EYS: variants seen among roughly 807,000 people sequenced by gnomAD.
EYS encodes EGF-like photoreceptor maintenance factor.
EYS carries 250 observed loss-of-function variants against 282.1 expected under a neutral mutation model. The observed-to-expected ratio is 0.89, with a 90% CI of 0.80 to 0.98. EYS has a LOEUF of 0.98. Among genes scored for constraint, EYS ranks in the 50% least tolerant of loss-of-function variants. The probability of loss-of-function intolerance (pLI) is 0.00; values close to 1 mark genes in which losing one functional copy is unlikely to be tolerated. For synonymous variants in EYS, 1,355 were observed against 1,282.9 expected, an observed-to-expected ratio of 1.06 and a Z score of -1.20; for missense variants, 4,016 against 3,709.0, an observed-to-expected ratio of 1.08 and a Z score of -2.15.
intron 26 of EYS, among the ~76,000 whole-genome samples, chr6:64,505,886 T>C (rs1254423440): frequency 6.6e-6 from 1 of 152,202 alleles, no homozygotes; most frequent in Non-Finnish European, 1.5e-5. Context: ...AAGTGTTATT[T>C]GGCATTGTTG....
intron 24 of EYS, among the ~76,000 whole-genome samples, chr6:64,605,621 G>T (rs934403218): frequency 2.6e-5 from 4 of 151,408 alleles, no homozygotes; most frequent in African/African-American, 9.7e-5. Flanking sequence ...ATACCTTAAA[G>T]ATTTCCCTGA....
chr6:64,274,265 T>A (rs1768033755), intron 30 of EYS, among the ~76,000 whole-genome samples: 1 of 152,114 alleles, frequency 6.6e-6, no homozygotes, highest in Non-Finnish European at 1.5e-5. Flanking sequence ...AACCTGTGTC[T>A]CCTGGGTCAA....
At chr6:65,497,014 A>G (rs562904997) in intron 2 of EYS, among the ~76,000 whole-genome samples, 354 of 152,176 alleles carry the variant, frequency 2.3e-3, no homozygotes, top group African/African-American at 8.3e-3. Flanking sequence ...AAATAACACA[A>G]ATATGCATAT....
intron 29 of EYS, chr6:64,379,740 C>T (rs996782257): frequency 1.3e-5 from 2 of 152,012 alleles, no homozygotes; most frequent in African/African-American, 4.8e-5. Context: ...GAATTTGTGA[C>T]TGAGATAATA....
At chr6:63,768,180 C>T (rs1490597318) in intron 40 of EYS, among the ~76,000 whole-genome samples, 1 of 151,986 alleles carries the variant, frequency 6.6e-6, no homozygotes, top group African/African-American at 2.4e-5. Context: ...GAATTTACGA[C>T]TAAGTCCCCA....
chr6:65,018,944 T>A (rs1402527340), intron 13 of EYS, among the ~76,000 whole-genome samples: 1 of 152,140 alleles, frequency 6.6e-6, no homozygotes, highest in African/African-American at 2.4e-5. Context: ...AAAATTGACC[T>A]TACTGTATGA....
At chr6:64,753,481 T>A (rs1772831572) in intron 22 of EYS, among the ~76,000 whole-genome samples, 1 of 147,534 alleles carries the variant, frequency 6.8e-6, no homozygotes. Context: ...TCAGATAGAA[T>A]AGGCTTTATA....
At chr6:64,888,413 T>C (rs1767167270) in intron 18 of EYS, among the ~76,000 whole-genome samples, 1 of 152,030 alleles carries the variant, frequency 6.6e-6, no homozygotes, top group South Asian at 2.1e-4. Context: ...ATACAATGTA[T>C]TCATGTATCA....
intron 36 of EYS, among the ~76,000 whole-genome samples, chr6:63,824,952 G>T (rs1437974124): frequency 1.3e-5 from 2 of 152,228 alleles, no homozygotes; most frequent in Non-Finnish European, 2.9e-5. Context: ...GAGTTCACAA[G>T]CAGGGGAAGA....
chr6:64,564,268 C>CTTT (rs4034161), intron 26 of EYS, among the ~76,000 whole-genome samples: 26,975 of 59,238 alleles, frequency 0.46, 11,412 homozygotes, highest in South Asian at 0.56. Flanking sequence ...ATCTTTTGTC[C>CTTT]TTTTTTTTTT....
chr6:64,293,677 G>T (rs1030728463), intron 30 of EYS, among the ~76,000 whole-genome samples: 1 of 151,972 alleles, frequency 6.6e-6, no homozygotes, highest in Non-Finnish European at 1.5e-5. Context: ...TTTTAACAAA[G>T]TATTTTTTAA....
intron 14 of EYS, among the ~76,000 whole-genome samples, chr6:64,974,604 A>AT (rs1770412985): frequency 1.3e-5 from 2 of 151,788 alleles, no homozygotes; most frequent in African/African-American, 4.8e-5. Flanking sequence ...ATTAAACTAC[A>AT]TTTTCCACTC....
intron 26 of EYS, among the ~76,000 whole-genome samples, chr6:64,551,309 A>G (rs965525190): frequency 1.3e-5 from 2 of 151,534 alleles, no homozygotes; most frequent in African/African-American, 2.4e-5. Flanking sequence ...TACCTTTTTA[A>G]ATGTCAGAGG....
intron 2 of EYS, among the ~76,000 whole-genome samples, chr6:65,517,312 T>G (rs1364220190): frequency 3.4e-5 from 5 of 149,158 alleles, no homozygotes; most frequent in African/African-American, 1.2e-4. Flanking sequence ...ACAAAAGTAT[T>G]TTGGAATCTG....
intron 5 of EYS, among the ~76,000 whole-genome samples, chr6:65,487,047 T>C (rs1443615310): frequency 6.6e-6 from 1 of 152,200 alleles, no homozygotes. Context: ...TTTGCTGAAG[T>C]TCCTTATCAG....
Position 65,495,676 on chromosome 6 carries a change from C to A in EYS, c.-197-69G>T, listed in dbSNP as rs922945613. 1.4e-4 allele frequency: 74 copies of A among 519,716 alleles called. 2 individuals carry two copies. The South Asian group carries it at 1.6e-3, about 11-fold the overall frequency. 32.2% of individuals were successfully genotyped at this position (519,716 alleles called of 1,614,324 possible). On this transcript the variant is annotated intron_variant, in intron 3 of 42. Coordinates refer to ENST00000503581, the MANE Select transcript of EYS (RefSeq NM_001142800.2). ...AAATTAATAATATAGAAAATGCTAG[C>A]TCTTTTTGTGGATTTCATAAGAGCC...
intron 33 of EYS, among the ~76,000 whole-genome samples, chr6:64,033,745 C>A (rs1162544995): frequency 6.6e-6 from 1 of 151,192 alleles, no homozygotes; most frequent in Non-Finnish European, 1.5e-5. Flanking sequence ...TCTAGAACTT[C>A]CCCATTCAAA....
intron 31 of EYS, among the ~76,000 whole-genome samples, chr6:64,220,526 C>G (rs564895687): frequency 1.3e-5 from 2 of 152,226 alleles, no homozygotes; most frequent in Non-Finnish European, 2.9e-5. Context: ...CTAAACTGGA[C>G]AGCCAGTATC....
Position 65,272,673 on chromosome 6 carries a change from T to A in EYS, c.2023+23190A>T, listed in dbSNP as rs184695581. ...GGATATACATTAATCCATTCATGTA[T>A]TATAATTATTACATATATATAAATG... is the stretch of plus-strand genomic sequence containing the variant. On this transcript the variant is annotated intron_variant, in intron 12 of 42. Transcript: ENST00000503581. 3.9e-3 allele frequency among the ~76,000 whole-genome samples: 594 copies of A among 152,284 alleles called. 3 individuals carry two copies. The highest frequency in any genetic ancestry group is 0.014 in the African/African-American group (570 of 41,556).
Sources: allele counts gnomAD v4.1 joint callset (sites outside exome capture counted in the v4.1 genomes callset), GRCh38; gene constraint gnomAD v4.1.1; transcripts MANE v1.5; gene names NCBI Gene and HGNC (gene_info 2026-07-23, HGNC 2026-07-21).